The following SGCD variants were observed in gnomAD, a reference collection of about 807,000 sequenced individuals.
SGCD encodes the protein delta-sarcoglycan.
Under a neutral mutation model 36.6 loss-of-function variants are expected in SGCD, and 18 were observed. The observed-to-expected ratio is 0.49, with a 90% CI of 0.34 to 0.73. The LOEUF (loss-of-function observed/expected upper bound fraction) is 0.73, where lower values mean the gene tolerates loss of function less well. SGCD is among the 30% of genes least tolerant of loss of function. SGCD has a pLI of 0.01. For synonymous variants in SGCD, 133 were observed against 130.6 expected (o/e 1.02, Z -0.12); for missense variants, 387 against 346.7 (o/e 1.12, Z -0.92).
At chr5:156,580,432 T>C (rs973451703) in intron 4 of SGCD, among the ~76,000 whole-genome samples, 7 of 152,224 alleles carry the variant, frequency 4.6e-5, no homozygotes, top group Admixed American at 6.5e-5. Flanking sequence ...TGGTGTTCTC[T>C]GTATTTACTG....
intron 1 of SGCD, among the ~76,000 whole-genome samples, chr5:156,069,429 G>T (rs1226753737): frequency 1.3e-5 from 2 of 152,100 alleles, no homozygotes; most frequent in Non-Finnish European, 2.9e-5. Flanking sequence ...AGATCAGATA[G>T]TTGTAGATAT....
chr5:156,060,601 C>G (rs1417883195), intron 1 of SGCD, among the ~76,000 whole-genome samples: 1 of 145,252 alleles, frequency 6.9e-6, no homozygotes, highest in African/African-American at 2.5e-5. Context: ...AATTTATGTA[C>G]CTTCATCAAT....
chr5:156,439,122 G>A (rs1201260353), intron 3 of SGCD, among the ~76,000 whole-genome samples: 5 of 152,108 alleles, frequency 3.3e-5, no homozygotes, highest in East Asian at 1.9e-4. Context: ...TGATAGAGAC[G>A]TGAGACTGCT....
intron 7 of SGCD, among the ~76,000 whole-genome samples, chr5:156,750,324 C>A (rs1333394696): frequency 6.6e-6 from 1 of 152,070 alleles, no homozygotes; most frequent in Admixed American, 6.6e-5. Flanking sequence ...GTTCTCATTT[C>A]TTTACTTCTA....
At chr5:156,636,971 C>G (rs1762848562) in intron 6 of SGCD, among the ~76,000 whole-genome samples, 1 of 151,956 alleles carries the variant, frequency 6.6e-6, no homozygotes, top group African/African-American at 2.4e-5. Context: ...TTTTTTCTCC[C>G]ATAAAAGTAA....
At chr5:156,302,054 T>C (rs1032910062) in intron 3 of SGCD, among the ~76,000 whole-genome samples, 2 of 152,132 alleles carry the variant, frequency 1.3e-5, no homozygotes, top group African/African-American at 2.4e-5. Flanking sequence ...TAACTTTCCC[T>C]AGGTTTGGAA....
chr5:156,205,963 A>G (rs750973979), intron 3 of SGCD, among the ~76,000 whole-genome samples: 1 of 147,516 alleles, frequency 6.8e-6, no homozygotes, highest in Non-Finnish European at 1.5e-5. Context: ...TCTATGTTGC[A>G]CATATATGTG....
At chr5:156,002,747 G>T (rs1376608338) in intron 1 of SGCD, among the ~76,000 whole-genome samples, 1 of 152,138 alleles carries the variant, frequency 6.6e-6, no homozygotes, top group Non-Finnish European at 1.5e-5. Context: ...TGATTCGATG[G>T]GTCTACAGCG....
At chr5:156,351,743 G>C (rs1411175820) in intron 3 of SGCD, among the ~76,000 whole-genome samples, 1 of 151,874 alleles carries the variant, frequency 6.6e-6, no homozygotes, top group Non-Finnish European at 1.5e-5. Flanking sequence ...CCACTATTTG[G>C]ATACCAATTT....
At chr5:156,538,331 G>A (rs11743093) in intron 4 of SGCD, among the ~76,000 whole-genome samples, 65,518 of 151,876 alleles carry the variant, frequency 0.43, 14,511 homozygotes, top group Non-Finnish European at 0.49. Flanking sequence ...TTTGTTGCTT[G>A]TTTTTGATAC....
intron 1 of SGCD, among the ~76,000 whole-genome samples, chr5:156,054,284 C>CTTTTT (rs70981996): frequency 2.5e-5 from 2 of 80,386 alleles, no homozygotes; most frequent in African/African-American, 7.6e-5. Flanking sequence ...AACTTTCCTT[C>CTTTTT]TTTTTTTTTT....
intron 7 of SGCD, among the ~76,000 whole-genome samples, chr5:156,741,811 T>A (rs1340389004): frequency 3.3e-5 from 5 of 151,998 alleles, no homozygotes; most frequent in African/African-American, 4.8e-5. Context: ...TTCCTAGTCT[T>A]ACCAGCCAAA....
At chr5:155,927,366 G>T (rs1430544896) in intron 1 of SGCD, among the ~76,000 whole-genome samples, 2 of 152,238 alleles carry the variant, frequency 1.3e-5, no homozygotes, top group East Asian at 1.9e-4. Flanking sequence ...AAAGATAACT[G>T]GAAAATATCT....
At chr5:156,706,486 C>T (rs1332675684) in intron 7 of SGCD, among the ~76,000 whole-genome samples, 2 of 152,114 alleles carry the variant, frequency 1.3e-5, no homozygotes, top group Non-Finnish European at 2.9e-5. Flanking sequence ...TTCAATGTCA[C>T]ATTTCTGCCA....
chr5:156,438,599 C>G (rs143410166), intron 3 of SGCD, among the ~76,000 whole-genome samples: 74 of 152,266 alleles, frequency 4.9e-4, no homozygotes, highest in African/African-American at 1.7e-3. Context: ...GCTGTTCTCT[C>G]CTGTTTATAA....
chr5:156,622,389 C>T (rs1762282504), intron 6 of SGCD, among the ~76,000 whole-genome samples: 1 of 150,458 alleles, frequency 6.6e-6, no homozygotes, highest in Non-Finnish European at 1.5e-5. Context: ...GCCGAGATGG[C>T]ACCACTGCAC....
intron 1 of SGCD, among the ~76,000 whole-genome samples, chr5:156,039,768 G>T (rs968188442): frequency 1.3e-5 from 2 of 152,058 alleles, no homozygotes; most frequent in African/African-American, 2.4e-5. Flanking sequence ...TTCTGTTTCA[G>T]CATCGTGAAA....
chr5:156,171,211 G>A lies in SGCD; in HGVS notation c.-44+47192G>A, dbSNP rs560040147. The stretch of plus-strand genomic sequence containing the variant: ...TTAAGAACAAATCTCAGAGCATTGC[G>A]TTGGCGCCATGCTAAGTGGGTCCTA... On this transcript the variant is annotated intron_variant, in intron 3 of 9. Transcript: ENST00000517913. Among the ~76,000 whole-genome samples the A allele has an allele frequency of 5.3e-5, 8 of 152,278 alleles. No homozygotes were observed. In the South Asian group the frequency reaches 6.2e-4, roughly 12 times the overall value.
chr5:155,984,166 C>T (rs558168753), intron 1 of SGCD, among the ~76,000 whole-genome samples: 2 of 152,324 alleles, frequency 1.3e-5, no homozygotes, highest in Non-Finnish European at 2.9e-5. Flanking sequence ...TTCATTTGAT[C>T]CTCTGAGTCA....
Sources: gnomAD v4.1 joint callset for allele counts (sites outside exome capture counted in the v4.1 genomes callset) on GRCh38, gnomAD v4.1.1 for gene constraint, MANE v1.5 for transcripts, NCBI Gene and HGNC (gene_info 2026-07-23, HGNC 2026-07-21) for gene names.